ZFP30: variants seen among roughly 807,000 people sequenced by gnomAD.
ZFP30 encodes the protein ZFP30 zinc finger protein.
ZFP30 carries 16 observed loss-of-function variants against 12.3 expected under a neutral mutation model. That is an observed-to-expected ratio of 1.30 (90% CI 0.88 to 1.98). The LOEUF (loss-of-function observed/expected upper bound fraction) is 1.98, where lower values mean the gene tolerates loss of function less well. ZFP30 is among the 30% of genes most tolerant of loss of function. The probability of loss-of-function intolerance (pLI) is 0.00; values close to 1 mark genes in which losing one functional copy is unlikely to be tolerated. For synonymous variants in ZFP30, 172 were observed against 201.0 expected, an observed-to-expected ratio of 0.86 and a Z score of 1.22; for missense variants, 560 against 611.2, an observed-to-expected ratio of 0.92 and a Z score of 0.88.
intron 4 of ZFP30, 61 bp downstream of exon 4, chr19:37,644,549 C>T: frequency 1.3e-6 from 1 of 755,694 alleles, no homozygotes; most frequent in South Asian, 2.7e-5. Flanking sequence ...AAAACAAAGA[C>T]AGCCCAGAAA....
At chr19:37,649,704 G>A (rs558828475) in intron 2 of ZFP30, among the ~76,000 whole-genome samples, 10 of 151,732 alleles carry the variant, frequency 6.6e-5, no homozygotes, top group Admixed American at 1.3e-4. Context: ...CACACCTGTG[G>A]TCCCAGCTCC....
chr19:37,636,806 G>T (rs60686304), intron 5 of ZFP30, among the ~76,000 whole-genome samples: 10,955 of 151,970 alleles, frequency 0.072, 565 homozygotes, highest in African/African-American at 0.13. Flanking sequence ...TGCCTCCCAG[G>T]TTCAAGCAAT....
At chr19:37,649,410 CAAT>C (rs1214045738) in intron 2 of ZFP30, among the ~76,000 whole-genome samples, 1 of 152,032 alleles carries the variant, frequency 6.6e-6, no homozygotes, top group Non-Finnish European at 1.5e-5. Flanking sequence ...AATGGATACT[CAAT>C]GATATGATGT....
At chr19:37,645,069 G>A (rs998077264) in intron 3 of ZFP30, among the ~76,000 whole-genome samples, 3 of 152,146 alleles carry the variant, frequency 2.0e-5, no homozygotes, top group Non-Finnish European at 4.4e-5. Flanking sequence ...GCCAGGCATG[G>A]TGGCGGGCGC....
chr19:37,655,728 C>A (rs1461391490), upstream of ZFP30: 1 of 152,250 alleles, frequency 6.6e-6, no homozygotes, highest in Non-Finnish European at 1.5e-5. Flanking sequence ...TTTAAAAAAA[C>A]AATATTCCGC....
chr19:37,647,151 A>G (rs1246907473), intron 3 of ZFP30, among the ~76,000 whole-genome samples: 2 of 152,194 alleles, frequency 1.3e-5, no homozygotes, highest in African/African-American at 4.8e-5. Context: ...AATCCTGAGA[A>G]TTTCAGATAA....
intron 5 of ZFP30, among the ~76,000 whole-genome samples, chr19:37,641,257 T>G (rs985955757): frequency 2.0e-5 from 3 of 152,240 alleles, no homozygotes; most frequent in Non-Finnish European, 4.4e-5. Flanking sequence ...TTCCTCTCTT[T>G]GAAATCATTC....
Position 37,634,714 on chromosome 19 carries a change from AT to A in ZFP30, c.*266del. ...TATACACAGATGGAAGAATATGGAG[AT>A]AATAATAGGTAAGATCAAAAGCTTT... On this transcript the variant is annotated 3_prime_UTR_variant, in exon 6 of 6. Coordinates refer to ENST00000684514, the MANE Select transcript of ZFP30 (RefSeq NM_001320669.3). The A allele has an allele frequency of 3.0e-6, 1 of 337,884 alleles. No homozygotes were observed. Among genetic ancestry groups the A allele is most frequent in the Non-Finnish European group, 5.3e-6 (1 of 188,056 alleles). 20.9% of individuals were successfully genotyped at this position (337,884 alleles called of 1,614,324 possible).
Position 37,636,749 on chromosome 19 carries a change from C to T in ZFP30, c.236-444G>A, listed in dbSNP as rs528973939. ...TTTTTTTTCGAGACGGAGTCTCTGT[C>T]GCCCAGGTTGTAGTGCAGTGGCTCG... is the stretch of plus-strand genomic sequence containing the variant. On this transcript the variant is annotated intron_variant, in intron 5 of 5. Coordinates refer to ENST00000684514, the MANE Select transcript of ZFP30 (RefSeq NM_001320669.3). 1.1e-4 allele frequency among the ~76,000 whole-genome samples: 16 copies of T among 151,606 alleles called. No individual in the cohort carries two copies. In the East Asian group the frequency reaches 2.5e-3, roughly 24 times the overall value.
chr19:37,634,979 T>C lies in ZFP30; in HGVS notation c.*2A>G. 1 of 1,534,098 alleles carries C rather than the reference T, an allele frequency of 6.5e-7. No individual in the cohort carries two copies. Among genetic ancestry groups the C allele is most frequent in the Non-Finnish European group, 8.7e-7 (1 of 1,144,270 alleles). ...TTCGCAAAGGAAGAGTTCTAATAAT[T>C]ATTAAGTTACATTATGAATTCGCTG... On this transcript the variant is annotated 3_prime_UTR_variant, in exon 6 of 6. Coordinates refer to ENST00000684514, the MANE Select transcript of ZFP30 (RefSeq NM_001320669.3).
In ZFP30 at chr19:37,635,419, T is replaced by A. The variant is rs1233393317; in HGVS notation, c.1122A>T (p.Arg374Ser). The change falls in exon 6 of 6, where the codon AGA becomes AGT. Residue 374 changes from arginine to serine, a missense_variant. By Grantham distance (110) the Arg-to-Ser change is moderately radical (BLOSUM62 -1). Coordinates refer to ENST00000684514, the MANE Select transcript of ZFP30 (RefSeq NM_001320669.3). The part of the protein sequence containing the change: ...SRGYHLTLHQ[R>S]IHTGEKPYEC... ...CATAGGGCTTTTCACCAGTATGTATTCTCTGATGGAGAGTTAGATGATAGC... is the reference window on the plus strand; with the variant it reads ...CATAGGGCTTTTCACCAGTATGTATACTCTGATGGAGAGTTAGATGATAGC... The A allele has an allele frequency of 1.2e-6, 2 of 1,614,150 alleles. No individual in the cohort carries two copies. Among genetic ancestry groups the A allele is most frequent in the South Asian group, 1.1e-5 (1 of 91,084 alleles).
chr19:37,639,962 A>G (rs1318245216), intron 5 of ZFP30, among the ~76,000 whole-genome samples: 2 of 152,218 alleles, frequency 1.3e-5, no homozygotes, highest in Non-Finnish European at 2.9e-5. Flanking sequence ...CCAAATAGCC[A>G]TGTTTGTTCC....
intron 5 of ZFP30, among the ~76,000 whole-genome samples, chr19:37,637,194 TC>T (rs1424220502): frequency 1.3e-5 from 2 of 151,124 alleles, no homozygotes; most frequent in African/African-American, 4.9e-5. Flanking sequence ...CTTTCTTTTT[TC>T]TTTTTTTCTT....
chr19:37,641,615 G>C (rs1463677994), intron 5 of ZFP30, among the ~76,000 whole-genome samples: 5 of 152,126 alleles, frequency 3.3e-5, no homozygotes, highest in African/African-American at 1.2e-4. Context: ...CGTTTCATGT[G>C]TACAAAGTTT....
At chr19:37,637,096 A>G (rs1457863996) in intron 5 of ZFP30, among the ~76,000 whole-genome samples, 2 of 151,462 alleles carry the variant, frequency 1.3e-5, no homozygotes, top group African/African-American at 4.9e-5. Context: ...GGTTTCTTTC[A>G]TCCATCAGGT....
At position 37,654,866 on chromosome 19, in the gene ZFP30, CAACT is replaced by C. The variant is rs1434505041; in HGVS notation, c.-236_-233del. On this transcript the variant is annotated 5_prime_UTR_variant, in exon 2 of 6. Coordinates refer to ENST00000684514, the MANE Select transcript of ZFP30 (RefSeq NM_001320669.3). The stretch of plus-strand genomic sequence containing the variant: ...CCCACCCTCCACGCTTCCCTGGCCC[CAACT>C]AACCGCCACCTGCATGCACAAATGG... 1 of 152,330 alleles carries C rather than the reference CAACT, an allele frequency of 6.6e-6. No homozygotes were observed. The highest frequency in any genetic ancestry group is 1.5e-5 in the Non-Finnish European group (1 of 68,202). 9.4% of individuals were successfully genotyped at this position (152,330 alleles called of 1,614,324 possible).
At position 37,635,045 on chromosome 19, in the gene ZFP30, C is replaced by T. The variant is rs1045956339; in HGVS notation, c.1496G>A (p.Cys499Tyr). Residue 499 changes from cysteine (C) to tyrosine (Y), a missense_variant, in exon 6 of 6, where the codon TGT becomes TAT. Cys to Tyr is a radical substitution (Grantham distance 194). Coordinates refer to ENST00000684514, the MANE Select transcript of ZFP30 (RefSeq NM_001320669.3). ...SGEKPYKCKE[C>Y]KKAFRQHSHL... ...TGAATGTTGTCTAAATGCCTTTTTA[C>T]ATTCCTTACATTTGTATGGTTTCTC... 4 of 1,597,716 alleles carry T rather than the reference C, an allele frequency of 2.5e-6. No homozygotes were observed. In the African/African-American group the frequency reaches 4.0e-5, roughly 16 times the overall value.
intron 2 of ZFP30, among the ~76,000 whole-genome samples, chr19:37,651,840 C>G (rs1421855868): frequency 2.0e-5 from 3 of 151,882 alleles, no homozygotes; most frequent in Non-Finnish European, 4.4e-5. Context: ...ATTTACAAAA[C>G]ATCCATAAAA....
At chr19:37,645,153 C>T (rs979478457) in intron 3 of ZFP30, among the ~76,000 whole-genome samples, 3 of 151,256 alleles carry the variant, frequency 2.0e-5, no homozygotes, top group African/African-American at 7.3e-5. Flanking sequence ...TGCAGTGAGC[C>T]GAGATCGCGC....
Sources: allele counts gnomAD v4.1 joint callset (sites outside exome capture counted in the v4.1 genomes callset), GRCh38; gene constraint gnomAD v4.1.1; transcripts MANE v1.5; gene names NCBI Gene and HGNC (gene_info 2026-07-23, HGNC 2026-07-21).